The following ABCC2 variants were observed in gnomAD, a reference collection of about 807,000 sequenced individuals.
The protein encoded by ABCC2 is ATP binding cassette subfamily C member 2.
In ABCC2, 157 loss-of-function variants were observed where a neutral mutation model predicts 173.4. The ratio of observed to expected loss-of-function variants is 0.91; its 90% confidence interval spans 0.80 to 1.03. The LOEUF (loss-of-function observed/expected upper bound fraction) is 1.03, where lower values mean the gene tolerates loss of function less well. ABCC2 is among the 50% of genes least tolerant of loss of function. ABCC2 has a pLI of 0.00. For synonymous variants in ABCC2, 657 were observed against 693.5 expected (o/e 0.95, Z 0.83); for missense variants, 1,822 against 1,852.3 (o/e 0.98, Z 0.30).
intron 24 of ABCC2, among the ~76,000 whole-genome samples, chr10:99,835,246 C>A (rs1388586543): frequency 6.6e-6 from 1 of 152,162 alleles, no homozygotes; most frequent in African/African-American, 2.4e-5. Context: ...GGCCTTGTGG[C>A]CTGCGATTGG....
At chr10:99,814,861 T>C (rs1410569768) in intron 16 of ABCC2, among the ~76,000 whole-genome samples, 1 of 150,314 alleles carries the variant, frequency 6.7e-6, no homozygotes, top group Non-Finnish European at 1.5e-5. Flanking sequence ...TGGAGTGCAA[T>C]AGCACAATTT....
chr10:99,848,598 C>T (rs1028601390), intron 30 of ABCC2, among the ~76,000 whole-genome samples: 3 of 152,190 alleles, frequency 2.0e-5, no homozygotes, highest in African/African-American at 7.2e-5. Flanking sequence ...AATCTCAGGG[C>T]GTAGACCTAC....
Position 99,846,949 on chromosome 10 carries a change from T to C in ABCC2, c.4147-12T>C. On this transcript the variant is annotated splice_polypyrimidine_tract_variant and intron_variant, in intron 29 of 31. Coordinates refer to ENST00000647814, the MANE Select transcript of ABCC2 (RefSeq NM_000392.5). ...ATGAGCCCCAACAGCCCCCTTGTCC[T>C]TTCACTTGCAGGACCCCATCCTGTT... 1 of 1,614,088 alleles carries C rather than the reference T, an allele frequency of 6.2e-7. No homozygotes were observed. Among genetic ancestry groups the C allele is most frequent in the Non-Finnish European group, 8.5e-7 (1 of 1,179,976 alleles).
chr10:99,798,039 G>A (rs1165244093), intron 7 of ABCC2: 4 of 154,140 alleles, frequency 2.6e-5, no homozygotes, highest in Admixed American at 1.9e-4. Flanking sequence ...ATGGGCTCAA[G>A]GAAGTGGACA....
At position 99,846,984 on chromosome 10, in the gene ABCC2, C is replaced by T. The variant is rs749958396; in HGVS notation, c.4170C>T (p.Ser1390=). ...AGGACCCCATCCTGTTCTCTGGAAGCCTGAGGATGAATCTCGACCCTTTCA... is the reference window on the plus strand; with the variant it reads ...AGGACCCCATCCTGTTCTCTGGAAGTCTGAGGATGAATCTCGACCCTTTCA... ...IPQDPILFSG[S]LRMNLDPFNN... Residue 1390 remains serine, a synonymous_variant, in exon 30 of 32, where the codon AGC becomes AGT. Transcript: ENST00000647814. The T allele has an allele frequency of 4.3e-6, 7 of 1,614,188 alleles. No individual in the cohort carries two copies. Among genetic ancestry groups the T allele is most frequent in the Middle Eastern group, 1.6e-4 (1 of 6,062 alleles).
rs2038686744 is a variant in ABCC2, at chr10:99,828,649, T to C, written c.2621-1658T>C. Among the ~76,000 whole-genome samples the C allele has an allele frequency of 2.6e-5, 4 of 152,202 alleles. No individual in the cohort carries two copies. The South Asian group carries it at 8.3e-4, about 32-fold the overall frequency. On this transcript the variant is annotated intron_variant, in intron 19 of 31. Transcript: ENST00000647814. ...CTGTTAAGTCTGTATTCTTTGTCATTGTCATGTGTGACCACTGAAGTCTGT... is the reference window on the plus strand; with the variant it reads ...CTGTTAAGTCTGTATTCTTTGTCATCGTCATGTGTGACCACTGAAGTCTGT...
chr10:99,832,070 G>T lies in ABCC2; in HGVS notation c.3197G>T (p.Arg1066Leu). The part of the protein sequence containing the change: ...LHKQLLNNIL[R>L]APMRFFDTTP... Reference sequence around the variant, plus strand: ...AAGCAACTGCTGAACAATATCCTTCGAGCACCTATGAGATTTTTTGACACA... The same window carrying T: ...AAGCAACTGCTGAACAATATCCTTCTAGCACCTATGAGATTTTTTGACACA... Residue 1066 changes from arginine (R) to leucine (L), a missense_variant, in exon 23 of 32, where the codon CGA (arginine) becomes CTA (leucine). Arg to Leu is a moderately radical substitution (Grantham distance 102). Transcript: ENST00000647814. 6.2e-7 allele frequency: 1 copy of T among 1,614,074 alleles called. No individual in the cohort carries two copies. The highest frequency in any genetic ancestry group is 8.5e-7 in the Non-Finnish European group (1 of 1,180,008).
In ABCC2 at chr10:99,845,876, C is replaced by G. The variant is rs534347096; in HGVS notation, c.4146+94C>G. 107 of 1,346,500 alleles carry G rather than the reference C, an allele frequency of 7.9e-5. No homozygotes were observed. The African/African-American group carries it at 1.3e-3, about 17-fold the overall frequency. 83.4% of individuals were successfully genotyped at this position (1,346,500 alleles called of 1,614,324 possible). Reference sequence around the variant, plus strand: ...TTCTTCTTGATGTCTGTTCAGTCAGCACTGTCAATTCCACGGTCTACTCGG... The same window carrying G: ...TTCTTCTTGATGTCTGTTCAGTCAGGACTGTCAATTCCACGGTCTACTCGG... On this transcript the variant is annotated intron_variant, in intron 29 of 31. Coordinates refer to ENST00000647814, the MANE Select transcript of ABCC2 (RefSeq NM_000392.5).
intron 21 of ABCC2, 113 bp from the exon 22 acceptor site, chr10:99,831,498 C>G: frequency 1.9e-6 from 2 of 1,049,082 alleles, no homozygotes; most frequent in Non-Finnish European, 3.0e-6. Flanking sequence ...ATTTTGCTAC[C>G]TGCTACCCAT....
rs1289139110 is a variant in ABCC2 at position 99,814,140 on chromosome 10, TACACAC to T, written c.2094+998_2094+1003del. 6.8e-4 allele frequency among the ~76,000 whole-genome samples: 48 copies of T among 70,604 alleles called. 1 individual carries two copies. Among genetic ancestry groups the T allele is most frequent in the African/African-American group, 2.4e-3 (43 of 17,900 alleles). The allele number at this position is 70,604 out of a possible 152,430, so 46.3% of individuals were successfully genotyped here. ...ATATACACACATATGTGTGTATATATACACACATGTATGTATACACACGTATATATA... is the reference window on the plus strand; with the variant it reads ...ATATACACACATATGTGTGTATATATATGTATGTATACACACGTATATATA... On this transcript the variant is annotated intron_variant, in intron 16 of 31. Coordinates refer to ENST00000647814, the MANE Select transcript of ABCC2 (RefSeq NM_000392.5).
At chr10:99,799,418 C>A in intron 8 of ABCC2, 48 bp downstream of exon 8, 1 of 1,604,552 alleles carries the variant, frequency 6.2e-7, no homozygotes, top group Non-Finnish European at 8.5e-7. Flanking sequence ...CCTCTGCCAC[C>A]CTCCTTTTTG....
intron 19 of ABCC2, among the ~76,000 whole-genome samples, chr10:99,821,421 C>T (rs1485875280): frequency 6.6e-6 from 1 of 152,116 alleles, no homozygotes; most frequent in African/African-American, 2.4e-5. Flanking sequence ...AGGTCTTTCC[C>T]TTCCCACGAG....
chr10:99,814,773 GTGTATGTATATACACACACACATA>G (rs1564686179), intron 16 of ABCC2, among the ~76,000 whole-genome samples: 6 of 126,518 alleles, frequency 4.7e-5, no homozygotes, highest in African/African-American at 1.4e-4. Context: ...ATATATGTGT[GTGTATGTATATACACACACACATA>G]TGTGTGTGTG....
chr10:99,782,934 G>A, intron 1 of ABCC2, 57 bp downstream of exon 1: 1 of 1,583,424 alleles, frequency 6.3e-7, no homozygotes. Flanking sequence ...ACAAGTGGTA[G>A]TTAGTTAACT....
At chr10:99,814,307 A>ATG (rs1554850670) in intron 16 of ABCC2, among the ~76,000 whole-genome samples, 1 of 43,794 alleles carries the variant, frequency 2.3e-5, no homozygotes, top group Non-Finnish European at 4.5e-5. Flanking sequence ...GTATACACAC[A>ATG]TGTATATACA....
At chr10:99,795,801 A>AAG (rs58906337) in intron 6 of ABCC2, among the ~76,000 whole-genome samples, 8 of 102,288 alleles carry the variant, frequency 7.8e-5, no homozygotes, top group African/African-American at 2.6e-4. Context: ...GAAAGAAAGA[A>AAG]AGATTTCTAA....
chr10:99,849,564 G>A (rs905307356), intron 30 of ABCC2, among the ~76,000 whole-genome samples: 4 of 152,188 alleles, frequency 2.6e-5, no homozygotes, highest in African/African-American at 9.7e-5. Flanking sequence ...GTTGAATGAT[G>A]GGTAAGTTCA....
intron 16 of ABCC2, among the ~76,000 whole-genome samples, chr10:99,814,731 GTGTATGTGTATA>G (rs2038364285): frequency 7.0e-6 from 1 of 142,996 alleles, no homozygotes; most frequent in Non-Finnish European, 1.5e-5. Flanking sequence ...ACATATGTGT[GTGTATGTGTATA>G]TGTATGTATA....
At position 99,782,692 on chromosome 10, in the gene ABCC2, C is replaced by T. The variant is rs186279091; in HGVS notation, c.-153C>T. 1.8e-5 allele frequency: 16 copies of T among 880,934 alleles called. No homozygotes were observed. Among genetic ancestry groups the T allele is most frequent in the Middle Eastern group, 5.2e-4 (2 of 3,828 alleles). The allele number at this position is 880,934 out of a possible 1,614,324, so 54.6% of individuals were successfully genotyped here. ...GTAACATGCATCTAGGCAAGGTTAACGATTAAATGGTTGGGATGAAAGGTC... is the reference window on the plus strand; with the variant it reads ...GTAACATGCATCTAGGCAAGGTTAATGATTAAATGGTTGGGATGAAAGGTC... On this transcript the variant is annotated 5_prime_UTR_variant, in exon 1 of 32. It adds an upstream start codon to the 5' untranslated region. Transcript: ENST00000647814.
Sources: gnomAD v4.1 joint callset for allele counts (sites outside exome capture counted in the v4.1 genomes callset) on GRCh38, gnomAD v4.1.1 for gene constraint, MANE v1.5 for transcripts, NCBI Gene and HGNC (gene_info 2026-07-23, HGNC 2026-07-21) for gene names.